The following LCLAT1 variants were observed in gnomAD, a reference collection of about 807,000 sequenced individuals.
The protein encoded by LCLAT1 is lysocardiolipin acyltransferase 1.
LCLAT1 carries 11 observed loss-of-function variants against 30.7 expected under a neutral mutation model. The observed-to-expected ratio is 0.36, with a 90% CI of 0.23 to 0.59. The LOEUF is 0.59. Ranked by LOEUF, LCLAT1 falls within the 20% of genes least tolerant of loss-of-function variation. The probability of loss-of-function intolerance (pLI) is 0.77; values close to 1 mark genes in which losing one functional copy is unlikely to be tolerated. For missense variants in LCLAT1, 402 were observed against 458.6 expected (o/e 0.88, Z 1.13); for synonymous variants, 155 against 151.3 (o/e 1.02, Z -0.18).
At chr2:30,567,637 G>A (rs918636395) in intron 4 of LCLAT1, among the ~76,000 whole-genome samples, 1 of 152,166 alleles carries the variant, frequency 6.6e-6, no homozygotes, top group Non-Finnish European at 1.5e-5. Flanking sequence ...GCAGTTACCC[G>A]AGACAGCCAT....
At chr2:30,568,617 CCT>C (rs1445903033) in intron 5 of LCLAT1, among the ~76,000 whole-genome samples, 2 of 150,152 alleles carry the variant, frequency 1.3e-5, no homozygotes, top group African/African-American at 4.9e-5. Flanking sequence ...CCGCCATTCC[CCT>C]GCCTCAGCCT....
chr2:30,620,976 C>CT (rs1197747779), intron 5 of LCLAT1, among the ~76,000 whole-genome samples: 1 of 152,022 alleles, frequency 6.6e-6, no homozygotes, highest in Non-Finnish European at 1.5e-5. Context: ...TATGTAAAGG[C>CT]TTTTTTTGGA....
chr2:30,609,915 T>C (rs191715705), intron 5 of LCLAT1, among the ~76,000 whole-genome samples: 6 of 152,276 alleles, frequency 3.9e-5, no homozygotes, highest in Admixed American at 3.9e-4. Flanking sequence ...GGACTTAAAA[T>C]CATTATCATA....
chr2:30,543,712 A>T (rs1002708659), intron 3 of LCLAT1, among the ~76,000 whole-genome samples: 3 of 152,044 alleles, frequency 2.0e-5, no homozygotes, highest in Non-Finnish European at 2.9e-5. Context: ...TATTTTGTTA[A>T]TTTTTTAATG....
Position 30,525,710 on chromosome 2 carries a change from C to T in LCLAT1, c.120C>T (p.Arg40=). 6.2e-7 allele frequency: 1 copy of T among 1,614,068 alleles called. No homozygotes were observed. The highest frequency in any genetic ancestry group is 8.5e-7 in the Non-Finnish European group (1 of 1,180,002). ...PLMFVNPSWY[R]WINNRLVATW... The stretch of plus-strand genomic sequence containing the variant: ...TGTTTGTAAACCCATCTTGGTATCG[C>T]TGGATCAACAACCGCCTTGTGGCAA... The change falls in exon 2 of 6, where the codon CGC becomes CGT. Residue 40 remains arginine (R), a synonymous_variant. Transcript: ENST00000379509.
intron 1 of LCLAT1, among the ~76,000 whole-genome samples, chr2:30,448,513 C>T (rs1681381497): frequency 6.6e-6 from 1 of 152,168 alleles, no homozygotes; most frequent in South Asian, 2.1e-4. Flanking sequence ...GTACCTTGTT[C>T]TGTAACTGAG....
chr2:30,558,456 C>T (rs941252613), intron 3 of LCLAT1, among the ~76,000 whole-genome samples: 4 of 151,848 alleles, frequency 2.6e-5, no homozygotes, highest in Non-Finnish European at 4.4e-5. Context: ...AAAAATTAGC[C>T]GGGCATGGTG....
At chr2:30,633,685 AAAATAAAT>A (rs908115696) in intron 5 of LCLAT1, among the ~76,000 whole-genome samples, 1 of 152,210 alleles carries the variant, frequency 6.6e-6, no homozygotes. Flanking sequence ...ACTCCATCTC[AAAATAAAT>A]AAATAAATAA....
At chr2:30,491,041 G>A (rs1254878202) in intron 1 of LCLAT1, among the ~76,000 whole-genome samples, 1 of 152,122 alleles carries the variant, frequency 6.6e-6, no homozygotes. Context: ...AAAAACGTGG[G>A]TACTAGAAGA....
chr2:30,562,982 A>T (rs1308786986), intron 4 of LCLAT1, among the ~76,000 whole-genome samples: 2 of 152,174 alleles, frequency 1.3e-5, no homozygotes, highest in African/African-American at 4.8e-5. Flanking sequence ...AAGAAAACTC[A>T]GCCATCATTG....
At chr2:30,630,338 A>G (rs546166381) in intron 5 of LCLAT1, among the ~76,000 whole-genome samples, 6 of 152,316 alleles carry the variant, frequency 3.9e-5, no homozygotes, top group East Asian at 1.9e-4. Context: ...TGAGGATACA[A>G]TTGTCTATAA....
chr2:30,640,048 A>C, intron 5 of LCLAT1, 69 bp from the exon 6 acceptor site: 2 of 1,265,630 alleles, frequency 1.6e-6, no homozygotes, highest in East Asian at 4.6e-5. Context: ...GCTGCCCTGC[A>C]GTGTGAATCA....
chr2:30,531,615 T>TGA (rs5830178), intron 2 of LCLAT1, among the ~76,000 whole-genome samples: 107,904 of 151,882 alleles, frequency 0.71, 40,106 homozygotes, highest in East Asian at 0.87. Flanking sequence ...AGTAACTTAA[T>TGA]GGACCTATGG....
intron 1 of LCLAT1, among the ~76,000 whole-genome samples, chr2:30,524,004 T>C (rs1685595062): frequency 6.6e-6 from 1 of 152,238 alleles, no homozygotes; most frequent in South Asian, 2.1e-4. Context: ...TTTCCTGTTG[T>C]GATTCTTTTA....
At chr2:30,604,696 C>A (rs1019888842) in intron 5 of LCLAT1, among the ~76,000 whole-genome samples, 2 of 146,638 alleles carry the variant, frequency 1.4e-5, no homozygotes, top group African/African-American at 5.0e-5. Context: ...AAACATCATT[C>A]GTAGCTCTCA....
At chr2:30,638,197 C>A (rs921405917) in intron 5 of LCLAT1, among the ~76,000 whole-genome samples, 1 of 152,166 alleles carries the variant, frequency 6.6e-6, no homozygotes, top group Non-Finnish European at 1.5e-5. Flanking sequence ...CTTGAATAAT[C>A]ATTTTTTAAA....
Position 30,601,258 on chromosome 2 carries a change from A to G in LCLAT1, c.628+33082A>G, listed in dbSNP as rs554446230. The stretch of plus-strand genomic sequence containing the variant: ...CTCCTTTAACTCAGTGAAGTTCATT[A>G]TTACCCATAGTAACAAGGTGATATT... On this transcript the variant is annotated intron_variant, in intron 5 of 5. Coordinates refer to ENST00000379509, the MANE Select transcript of LCLAT1 (RefSeq NM_001002257.3). Among the ~76,000 whole-genome samples the G allele has an allele frequency of 2.6e-5, 4 of 152,290 alleles. No individual in the cohort carries two copies. The East Asian group carries it at 7.7e-4, about 29-fold the overall frequency.
chr2:30,498,209 G>T (rs1000964195), intron 1 of LCLAT1, among the ~76,000 whole-genome samples: 2 of 152,176 alleles, frequency 1.3e-5, no homozygotes, highest in African/African-American at 2.4e-5. Flanking sequence ...GGATTTTATG[G>T]ACTGGAAAGA....
chr2:30,465,284 T>C (rs1261816590), intron 1 of LCLAT1, among the ~76,000 whole-genome samples: 1 of 151,938 alleles, frequency 6.6e-6, no homozygotes, highest in Non-Finnish European at 1.5e-5. Context: ...GAGGTAGAGA[T>C]TTGAGTGTTA....
Sources: allele counts gnomAD v4.1 joint callset (sites outside exome capture counted in the v4.1 genomes callset), GRCh38; gene constraint gnomAD v4.1.1; transcripts MANE v1.5; gene names NCBI Gene and HGNC (gene_info 2026-07-23, HGNC 2026-07-21).